Variants in CPNE4 observed in about 807,000 individuals in gnomAD.
The protein encoded by CPNE4 is copine 4.
A neutral mutation model predicts 67.9 loss-of-function variants in CPNE4; 25 were observed. The ratio of observed to expected loss-of-function variants is 0.37; its 90% CI spans 0.27 to 0.51. The LOEUF is 0.51. Ranked by LOEUF, CPNE4 falls within the 20% of genes least tolerant of loss-of-function variation. The probability of loss-of-function intolerance (pLI) is 0.93; values close to 1 mark genes in which losing one functional copy is unlikely to be tolerated. For missense variants in CPNE4, 464 were observed against 690.8 expected, an observed-to-expected ratio of 0.67 and a Z score of 3.68; for synonymous variants, 242 against 244.9, an observed-to-expected ratio of 0.99 and a Z score of 0.11.
Position 131,654,361 on chromosome 3 carries a change from TA to T in CPNE4, c.681+15313del, listed in dbSNP as rs112758363. On this transcript the variant is annotated intron_variant, in intron 7 of 15. Coordinates refer to ENST00000429747, the MANE Select transcript of CPNE4 (RefSeq NM_130808.3). ...TGTTTTGTCACCCAGGTACTAAGCCTAGTACCAAATTTTTTTTTAATTTTTT... is the reference window on the plus strand; with the variant it reads ...TGTTTTGTCACCCAGGTACTAAGCCTGTACCAAATTTTTTTTTAATTTTTT... 4.3e-4 allele frequency among the ~76,000 whole-genome samples: 66 copies of T among 152,216 alleles called. 1 individual carries two copies. The highest frequency in any genetic ancestry group is 1.4e-3 in the African/African-American group (60 of 41,502).
intron 2 of CPNE4, among the ~76,000 whole-genome samples, chr3:131,761,103 C>CT (rs757621605): frequency 9.2e-5 from 14 of 151,576 alleles, no homozygotes; most frequent in Non-Finnish European, 1.2e-4. Flanking sequence ...GTAAGATTTG[C>CT]TTTTTCCCCT....
intron 2 of CPNE4, among the ~76,000 whole-genome samples, chr3:131,835,438 A>G (rs1353253837): frequency 2.6e-5 from 4 of 152,118 alleles, no homozygotes; most frequent in Non-Finnish European, 5.9e-5. Context: ...CTGAGGCAGG[A>G]GAATCGCTTG....
At chr3:131,983,464 G>T (rs964092536) in intron 1 of CPNE4, among the ~76,000 whole-genome samples, 2 of 152,074 alleles carry the variant, frequency 1.3e-5, no homozygotes, top group African/African-American at 2.4e-5. Context: ...AATACAAAAA[G>T]ATCTCTTTAA....
At chr3:131,620,354 G>A (rs1020239044) in intron 7 of CPNE4, 1 of 512,832 alleles carries the variant, frequency 1.9e-6, no homozygotes, top group African/African-American at 2.1e-5. Flanking sequence ...AGTGTTTAAA[G>A]GTTTTAAATT....
intron 4 of CPNE4, 35 bp from the exon 5 acceptor site, chr3:131,696,651 G>A (rs2081165558): frequency 8.2e-6 from 13 of 1,585,810 alleles, no homozygotes; most frequent in Non-Finnish European, 9.5e-6. Context: ...TGCAATAGAG[G>A]GTGAACTCCT....
intron 3 of CPNE4, among the ~76,000 whole-genome samples, chr3:131,706,732 T>A (rs2081423307): frequency 6.6e-6 from 1 of 152,240 alleles, no homozygotes; most frequent in Admixed American, 6.5e-5. Flanking sequence ...GCCTGCTGCC[T>A]GGATGCTTCA....
intron 7 of CPNE4, among the ~76,000 whole-genome samples, chr3:131,622,474 C>A (rs537271581): frequency 6.6e-6 from 1 of 152,252 alleles, no homozygotes; most frequent in African/African-American, 2.4e-5. Context: ...GTCTTGAAGG[C>A]CATCTCCTAG....
chr3:131,557,185 A>G (rs1359040855), intron 11 of CPNE4, among the ~76,000 whole-genome samples: 2 of 152,130 alleles, frequency 1.3e-5, no homozygotes, highest in Admixed American at 6.5e-5. Flanking sequence ...GGCTGTCGCC[A>G]TAGGGCTCTT....
At position 131,863,882 on chromosome 3, in the gene CPNE4, A is replaced by G. The variant is rs1048537806; in HGVS notation, c.180+41382T>C. Among the ~76,000 whole-genome samples, 54 of 152,300 alleles carry G rather than the reference A, an allele frequency of 3.5e-4. 1 individual carries two copies. The highest frequency in any genetic ancestry group is 1.3e-3 in the African/African-American group (54 of 41,570). ...TAATCCATCTTGAATTAATTTTTGT[A>G]TAAGGTGTAAGGAAGGGATCCAGTT... On this transcript the variant is annotated intron_variant, in intron 2 of 15. Coordinates refer to ENST00000429747, the MANE Select transcript of CPNE4 (RefSeq NM_130808.3).
chr3:131,672,635 T>A (rs1463564854), intron 6 of CPNE4, among the ~76,000 whole-genome samples: 1 of 152,174 alleles, frequency 6.6e-6, no homozygotes, highest in East Asian at 1.9e-4. Flanking sequence ...TATGTCTTCT[T>A]TTGAGAAATG....
intron 2 of CPNE4, among the ~76,000 whole-genome samples, chr3:131,835,443 C>T (rs371520408): frequency 7.9e-5 from 12 of 152,062 alleles, no homozygotes; most frequent in Admixed American, 2.6e-4. Context: ...GCAGGAGAAT[C>T]GCTTGAACCT....
Position 131,956,436 on chromosome 3 carries a change from T to A in CPNE4, c.-1-50992A>T, listed in dbSNP as rs140527292. On this transcript the variant is annotated intron_variant, in intron 1 of 15. Coordinates refer to ENST00000429747, the MANE Select transcript of CPNE4 (RefSeq NM_130808.3). ...TTTACTGAGGTTTTCTATAACTCCA[T>A]CGTCAATAAAATCTTAAGTATTAGA... is the stretch of plus-strand genomic sequence containing the variant. 8.0e-3 allele frequency among the ~76,000 whole-genome samples: 1,225 copies of A among 152,284 alleles called. 17 individuals carry two copies. The highest frequency in any genetic ancestry group is 0.028 in the African/African-American group (1,170 of 41,556).
chr3:131,994,104 T>G (rs1400715829), intron 1 of CPNE4, among the ~76,000 whole-genome samples: 1 of 136,158 alleles, frequency 7.3e-6, no homozygotes, highest in Non-Finnish European at 1.7e-5. Context: ...CTAGGTAAAA[T>G]CTAGATCAGC....
At chr3:131,883,960 G>C (rs1377984425) in intron 2 of CPNE4, among the ~76,000 whole-genome samples, 1 of 150,120 alleles carries the variant, frequency 6.7e-6, no homozygotes, top group African/African-American at 2.4e-5. Context: ...TCAGATTTCT[G>C]TGCAGATATT....
At chr3:131,690,188 A>G (rs2081001812) in intron 5 of CPNE4, among the ~76,000 whole-genome samples, 1 of 152,178 alleles carries the variant, frequency 6.6e-6, no homozygotes, top group South Asian at 2.1e-4. Flanking sequence ...AGAAAAAGCT[A>G]TTGTAAAATT....
chr3:131,767,782 ATT>A (rs1395694316), intron 2 of CPNE4, among the ~76,000 whole-genome samples: 83 of 150,756 alleles, frequency 5.5e-4, no homozygotes, highest in African/African-American at 1.0e-3. Context: ...TTATATATTT[ATT>A]TATTTATTTA....
chr3:131,594,547 A>C (rs534423390), intron 7 of CPNE4, among the ~76,000 whole-genome samples: 1 of 152,232 alleles, frequency 6.6e-6, no homozygotes, highest in Non-Finnish European at 1.5e-5. Context: ...AAATCAGCTC[A>C]AAATGGATTA....
intron 5 of CPNE4, among the ~76,000 whole-genome samples, chr3:131,693,648 T>C (rs13083588): frequency 0.045 from 6,863 of 152,222 alleles, 216 homozygotes; most frequent in Non-Finnish European, 0.067. Context: ...CTTGGCATTA[T>C]TATGAAAATA....
intron 1 of CPNE4, among the ~76,000 whole-genome samples, chr3:131,912,518 C>T (rs540536668): frequency 1.3e-5 from 2 of 152,030 alleles, no homozygotes; most frequent in Admixed American, 6.6e-5. Flanking sequence ...ATTCAAGAAA[C>T]GTGTATAAGG....
Sources: allele counts gnomAD v4.1 joint callset (sites outside exome capture counted in the v4.1 genomes callset), GRCh38; gene constraint gnomAD v4.1.1; transcripts MANE v1.5; gene names NCBI Gene and HGNC (gene_info 2026-07-23, HGNC 2026-07-21).